Variants in TMEM233 observed in about 807,000 individuals in gnomAD.
The protein encoded by TMEM233 is dispanin subfamily B member 2.
Under a neutral mutation model 11.2 loss-of-function variants are expected in TMEM233, and 6 were observed. The observed-to-expected ratio is 0.54, with a 90% confidence interval of 0.29 to 1.06. The LOEUF (loss-of-function observed/expected upper bound fraction) is 1.06, where lower values mean the gene tolerates loss of function less well. Among genes scored for constraint, TMEM233 ranks in the 50% least tolerant of loss-of-function variants. TMEM233 has a pLI of 0.08. For missense variants in TMEM233, 127 were observed against 144.7 expected (o/e 0.88, Z 0.63); for synonymous variants, 59 against 55.8 (o/e 1.06, Z -0.26).
At chr12:119,646,464 A>G (rs887825961), downstream of TMEM233, among the ~76,000 whole-genome samples, 1 of 152,202 alleles carries the variant, frequency 6.6e-6, no homozygotes. Flanking sequence ...TCAGAAGTCT[A>G]AAACGGGTCT....
chr12:119,610,034 T>C (rs10774505), intron 1 of TMEM233, among the ~76,000 whole-genome samples: 116,781 of 152,152 alleles, frequency 0.77, 45,003 homozygotes, highest in Middle Eastern at 0.85. Flanking sequence ...GCAACCAGGG[T>C]GGGGACTATA....
chr12:119,644,809 T>G (rs1566118313), downstream of TMEM233, among the ~76,000 whole-genome samples: 1 of 152,124 alleles, frequency 6.6e-6, no homozygotes, highest in Non-Finnish European at 1.5e-5. Context: ...CCCCGTGGTG[T>G]TGTCACTTTC....
intron 1 of TMEM233, among the ~76,000 whole-genome samples, chr12:119,614,952 T>A (rs1327827089): frequency 6.6e-6 from 1 of 151,760 alleles, no homozygotes; most frequent in Non-Finnish European, 1.5e-5. Context: ...ATCTCTCTCC[T>A]CTCTCCTCTC....
At chr12:119,648,657 G>A in the TMEM233 span, among the ~76,000 whole-genome samples, 1 of 152,168 alleles carries the variant, frequency 6.6e-6, no homozygotes, top group Non-Finnish European at 1.5e-5. Context: ...CCCCCATGAG[G>A]GCAGGGACCA....
Position 119,595,254 on chromosome 12 carries a change from TC to T in TMEM233, c.186+1225del, listed in dbSNP as rs1344924151. Among the ~76,000 whole-genome samples the T allele has an allele frequency of 1.3e-5, 2 of 151,904 alleles. No homozygotes were observed. The highest frequency in any genetic ancestry group is 4.8e-5 in the African/African-American group (2 of 41,322). ...GGACAACCCTTGCAGTTGCGCTCCC[TC>T]CCCCACCGGCTCACCTCGCCTGCAG... On this transcript the variant is annotated intron_variant, in intron 1 of 2. Transcript: ENST00000426426. The surrounding 1 kb of genome is among the most constrained non-coding windows in gnomAD (Gnocchi z 4.3).
intron 2 of TMEM233, among the ~76,000 whole-genome samples, chr12:119,632,848 A>G (rs893929832): frequency 2.0e-5 from 3 of 152,222 alleles, no homozygotes; most frequent in Non-Finnish European, 4.4e-5. Context: ...TTTGCAGCCT[A>G]GACACTATCT....
rs529208770 is a variant in TMEM233, at chr12:119,619,463, C to T, written c.187-10273C>T. Among the ~76,000 whole-genome samples, 146 of 152,046 alleles carry T rather than the reference C, an allele frequency of 9.6e-4. 1 individual carries two copies. Among genetic ancestry groups the T allele is most frequent in the African/African-American group, 3.1e-3 (130 of 41,476 alleles). ...CAAGACCAGCCTGGGCAACATGGCA[C>T]AACCTCATCTCTACAAAAAATACAA... On this transcript the variant is annotated intron_variant, in intron 1 of 2. Transcript: ENST00000426426.
the TMEM233 span, among the ~76,000 whole-genome samples, chr12:119,649,463 G>T: frequency 8.5e-5 from 13 of 152,100 alleles, no homozygotes; most frequent in Admixed American, 2.6e-4. Flanking sequence ...GACAAATATC[G>T]TATTTCTTTG....
chr12:119,604,255 G>C (rs1593279359), intron 1 of TMEM233, among the ~76,000 whole-genome samples: 1 of 152,200 alleles, frequency 6.6e-6, no homozygotes, highest in African/African-American at 2.4e-5. Flanking sequence ...TACCAAAAAA[G>C]GTACAGGTGC....
intron 1 of TMEM233, among the ~76,000 whole-genome samples, chr12:119,603,825 G>T (rs1348240462): frequency 2.6e-5 from 4 of 152,210 alleles, no homozygotes; most frequent in Non-Finnish European, 5.9e-5. Flanking sequence ...ATTAATGAAT[G>T]AATGACTACA....
intron 1 of TMEM233, among the ~76,000 whole-genome samples, chr12:119,603,707 T>C (rs1954212069): frequency 6.6e-6 from 1 of 152,226 alleles, no homozygotes; most frequent in Non-Finnish European, 1.5e-5. Context: ...TTCCTTGCAC[T>C]GATTTGTGTA....
chr12:119,611,432 G>A (rs962335559), intron 1 of TMEM233, among the ~76,000 whole-genome samples: 1 of 152,060 alleles, frequency 6.6e-6, no homozygotes, highest in Non-Finnish European at 1.5e-5. Flanking sequence ...TAATGATGTT[G>A]AGCATTTCCT....
At chr12:119,606,942 A>T (rs1271188084) in intron 1 of TMEM233, among the ~76,000 whole-genome samples, 1 of 152,222 alleles carries the variant, frequency 6.6e-6, no homozygotes, top group East Asian at 1.9e-4. Flanking sequence ...CTTTTGAAGA[A>T]TTTTTATGAT....
At position 119,599,214 on chromosome 12, in the gene TMEM233, C is replaced by T. The variant is rs945273663; in HGVS notation, c.186+5180C>T. Among the ~76,000 whole-genome samples the T allele has an allele frequency of 2.0e-5, 3 of 152,118 alleles. No homozygotes were observed. In the East Asian group the frequency reaches 5.8e-4, roughly 29 times the overall value. On this transcript the variant is annotated intron_variant, in intron 1 of 2. Transcript: ENST00000426426. ...AGACCACTTAAAATGATAGTAAGTG[C>T]TATTTGGTAGCACAATAGGGTGACT...
chr12:119,613,547 C>T (rs1367674972), intron 1 of TMEM233, among the ~76,000 whole-genome samples: 1 of 152,222 alleles, frequency 6.6e-6, no homozygotes, highest in African/African-American at 2.4e-5. Flanking sequence ...AGTACAGTGG[C>T]TCATGCCTGT....
chr12:119,593,999 C>T lies in TMEM233; in HGVS notation c.151C>T (p.Pro51Ser), dbSNP rs2136655141. The T allele has an allele frequency of 6.4e-7, 1 of 1,551,698 alleles. No homozygotes were observed. The highest frequency in any genetic ancestry group is 8.7e-7 in the Non-Finnish European group (1 of 1,146,976). Residue 51 changes from proline (P) to serine (S), a missense_variant, in exon 1 of 3, where the codon CCC becomes TCC. By Grantham distance (74) the Pro-to-Ser change is moderately conservative. Coordinates refer to ENST00000426426, the MANE Select transcript of TMEM233 (RefSeq NM_001136534.3). This position sits in a 1 kb window ranked among gnomAD's most constrained non-coding sequence, Gnocchi z 4.1. Reference sequence around the variant, plus strand: ...CGTCTCGTGTTTTTGCCCTGCGTACCCCATCAACATCGTGGCTTTGGTCTT... The same window carrying T: ...CGTCTCGTGTTTTTGCCCTGCGTACTCCATCAACATCGTGGCTTTGGTCTT... Reference protein sequence around the residue: ...TIVSCFCPAYPINIVALVFSI... With the variant: ...TIVSCFCPAYSINIVALVFSI...
intron 1 of TMEM233, among the ~76,000 whole-genome samples, chr12:119,600,192 C>A (rs1028802177): frequency 7.2e-3 from 840 of 116,840 alleles, no homozygotes; most frequent in East Asian, 9.4e-3. Context: ...CTGCAGTTTA[C>A]AAAAAAAAAA....
At chr12:119,633,668 CAGAGAG>C (rs1203935385) in intron 2 of TMEM233, among the ~76,000 whole-genome samples, 1 of 151,940 alleles carries the variant, frequency 6.6e-6, no homozygotes, top group Non-Finnish European at 1.5e-5. Context: ...GAGAGAGAGA[CAGAGAG>C]AAAGAAGGAA....
the TMEM233 span, among the ~76,000 whole-genome samples, chr12:119,649,362 G>A: frequency 6.6e-6 from 1 of 152,222 alleles, no homozygotes; most frequent in East Asian, 1.9e-4. Flanking sequence ...AAAAGATAGA[G>A]ACCCAAATGA....
Sources: gnomAD v4.1 joint callset for allele counts (sites outside exome capture counted in the v4.1 genomes callset) on GRCh38, gnomAD v4.1.1 for gene constraint, Gnocchi (gnomAD v3.1) non-coding constraint, MANE v1.5 for transcripts, NCBI Gene and HGNC (gene_info 2026-07-23, HGNC 2026-07-21) for gene names.